TGFB2: variants seen among roughly 807,000 people sequenced by gnomAD.
TGFB2 encodes transforming growth factor beta-2 proprotein.
TGFB2 carries 13 observed loss-of-function variants against 42.7 expected under a neutral mutation model. That is an observed-to-expected ratio of 0.30 (90% CI 0.20 to 0.48). The LOEUF is 0.48. TGFB2 is among the 20% of genes least tolerant of loss of function. The probability of loss-of-function intolerance (pLI) is 0.99; values close to 1 mark genes in which losing one functional copy is unlikely to be tolerated. For synonymous variants in TGFB2, 193 were observed against 193.6 expected, an observed-to-expected ratio of 1.00 and a Z score of 0.03; for missense variants, 390 against 517.5, an observed-to-expected ratio of 0.75 and a Z score of 2.39.
chr1:218,383,415 T>G (rs1399436663), intron 1 of TGFB2, among the ~76,000 whole-genome samples: 2 of 152,212 alleles, frequency 1.3e-5, no homozygotes, highest in Non-Finnish European at 2.9e-5. Flanking sequence ...TGAATCTGCC[T>G]TTAGAAAAAC....
intron 1 of TGFB2, among the ~76,000 whole-genome samples, chr1:218,380,434 AAGTTCTCTTT>A (rs1209190884): frequency 6.6e-6 from 1 of 152,160 alleles, no homozygotes; most frequent in Non-Finnish European, 1.5e-5. Flanking sequence ...TCAGCATGCA[AAGTTCTCTTT>A]AGATGGCCTG....
Position 218,346,940 on chromosome 1 carries a change from A to G in TGFB2, c.239A>G (p.Glu80Gly). 2 of 1,614,148 alleles carry G rather than the reference A, an allele frequency of 1.2e-6. 1 individual carries two copies. Among genetic ancestry groups the G allele is most frequent in the Non-Finnish European group, 1.7e-6 (2 of 1,180,028 alleles). ...IYNSTRDLLQ[E>G]KASRRAAACE... Reference sequence around the variant, plus strand: ...AACAGCACCAGGGACTTGCTCCAGGAGAAGGCGAGCCGGAGGGCGGCCGCC... The same window carrying G: ...AACAGCACCAGGGACTTGCTCCAGGGGAAGGCGAGCCGGAGGGCGGCCGCC... The change falls in exon 1 of 7, where the codon GAG becomes GGG. Residue 80 changes from glutamate to glycine, a missense_variant. Glu to Gly is a moderately conservative substitution (Grantham distance 98). Transcript: ENST00000366930. The surrounding 1 kb of genome is among the most constrained non-coding windows in gnomAD (Gnocchi z 4.9).
chr1:218,427,992 C>T (rs1373432309), intron 2 of TGFB2, among the ~76,000 whole-genome samples: 8 of 152,260 alleles, frequency 5.3e-5, no homozygotes, highest in African/African-American at 1.9e-4. Context: ...CTCTCCAGCA[C>T]CTGTTGTTTC....
chr1:218,394,752 T>G (rs923514415), intron 1 of TGFB2, among the ~76,000 whole-genome samples: 6 of 152,142 alleles, frequency 3.9e-5, no homozygotes, highest in Non-Finnish European at 7.4e-5. Context: ...AGTCATTTTA[T>G]GTTAAATTGC....
intron 6 of TGFB2, among the ~76,000 whole-genome samples, chr1:218,437,992 G>A (rs538981721): frequency 1.3e-5 from 2 of 152,234 alleles, no homozygotes; most frequent in South Asian, 4.2e-4. Flanking sequence ...GAACATTCCA[G>A]ATCATCTCTT....
At chr1:218,413,000 C>G (rs780204147) in intron 2 of TGFB2, among the ~76,000 whole-genome samples, 1 of 152,178 alleles carries the variant, frequency 6.6e-6, no homozygotes. Context: ...GTGGTCTTCC[C>G]AGAACAGTAA....
intron 2 of TGFB2, among the ~76,000 whole-genome samples, chr1:218,415,932 T>C (rs1659264596): frequency 6.6e-6 from 1 of 152,030 alleles, no homozygotes; most frequent in African/African-American, 2.4e-5. Context: ...ATCTTGAACA[T>C]GGTTCATATT....
chr1:218,362,428 T>C (rs2102544937), intron 1 of TGFB2, among the ~76,000 whole-genome samples: 1 of 152,338 alleles, frequency 6.6e-6, no homozygotes, highest in Middle Eastern at 3.4e-3. Context: ...TCAGTCTGTT[T>C]TAAATATATC....
chr1:218,366,290 G>C (rs1408274879), intron 1 of TGFB2, among the ~76,000 whole-genome samples: 11 of 152,074 alleles, frequency 7.2e-5, no homozygotes, highest in Admixed American at 7.2e-4. Context: ...AAGATTTAAA[G>C]GTGGTATTTC....
intron 1 of TGFB2, among the ~76,000 whole-genome samples, chr1:218,388,896 G>T (rs547064205): frequency 2.0e-5 from 3 of 152,236 alleles, no homozygotes; most frequent in Non-Finnish European, 2.9e-5. Context: ...ATATGATGGC[G>T]GTCTCAGAAT....
At position 218,346,615 on chromosome 1, in the gene TGFB2, T is replaced by C; in HGVS notation, c.-87T>C. The C allele has an allele frequency of 8.1e-7, 1 of 1,227,062 alleles. No individual in the cohort carries two copies. 76.0% of individuals were successfully genotyped at this position (1,227,062 alleles called of 1,614,324 possible). A position where few individuals can be genotyped will look rare whatever the true frequency, so the allele number is the denominator to read the frequency against. On this transcript the variant is annotated 5_prime_UTR_variant, in exon 1 of 7. Coordinates refer to ENST00000366930, the MANE Select transcript of TGFB2 (RefSeq NM_003238.6). The surrounding 1 kb of genome is among the most constrained non-coding windows in gnomAD (Gnocchi z 4.9). ...CAACAACAACAAAAAACCAAACAAC[T>C]CTCCTTGATCTATACTTTGAGAATT... is the stretch of plus-strand genomic sequence containing the variant.
chr1:218,416,628 C>T (rs749757719), intron 2 of TGFB2, among the ~76,000 whole-genome samples: 6 of 152,222 alleles, frequency 3.9e-5, no homozygotes, highest in Non-Finnish European at 7.3e-5. Flanking sequence ...TGTTACTATG[C>T]TTGTCCAAGC....
Position 218,358,640 on chromosome 1 carries a change from C to T in TGFB2, c.346+11593C>T, listed in dbSNP as rs1465724868. Among the ~76,000 whole-genome samples the T allele has an allele frequency of 5.3e-5, 8 of 151,528 alleles. 1 individual carries two copies. Among genetic ancestry groups the T allele is most frequent in the Admixed American group, 5.3e-4 (8 of 15,218 alleles). ...TTCAGCTCACTGCAAGCTCTGCCTC[C>T]GGGGTTCATGCCATTCTTCTGCCTC... On this transcript the variant is annotated intron_variant, in intron 1 of 6. Transcript: ENST00000366930.
intron 2 of TGFB2, among the ~76,000 whole-genome samples, chr1:218,412,182 A>G (rs1313571038): frequency 1.3e-5 from 2 of 152,198 alleles, no homozygotes; most frequent in East Asian, 1.9e-4. Context: ...AAATGTACAT[A>G]TAAGTGATAT....
chr1:218,388,868 G>A (rs969826734), intron 1 of TGFB2, among the ~76,000 whole-genome samples: 2 of 152,182 alleles, frequency 1.3e-5, no homozygotes, highest in East Asian at 1.9e-4. Context: ...TAATGTTGCT[G>A]TATCTCTTCA....
chr1:218,367,475 T>C (rs1033784265), intron 1 of TGFB2, among the ~76,000 whole-genome samples: 2 of 152,234 alleles, frequency 1.3e-5, no homozygotes, highest in African/African-American at 4.8e-5. Context: ...TGTGCAACCC[T>C]GTGCCCCCTG....
At chr1:218,407,171 C>A (rs546091155) in intron 2 of TGFB2, among the ~76,000 whole-genome samples, 1 of 152,274 alleles carries the variant, frequency 6.6e-6, no homozygotes, top group African/African-American at 2.4e-5. Flanking sequence ...AGTCATAGCT[C>A]ACTGCACCCT....
rs10482752 is a variant in TGFB2, at chr1:218,382,980, G to T, written c.347-22189G>T. On this transcript the variant is annotated intron_variant, in intron 1 of 6. Transcript: ENST00000366930. ...TCAAATTTTGAAAATAAATGTTCAT[G>T]GGGGTAAGAAGATTGTTTTATGACA... 3.8e-3 allele frequency among the ~76,000 whole-genome samples: 572 copies of T among 152,306 alleles called. 2 individuals carry two copies. Among genetic ancestry groups the T allele is most frequent in the Admixed American group, 0.018 (269 of 15,304 alleles).
chr1:218,421,379 T>C (rs935383263), intron 2 of TGFB2, among the ~76,000 whole-genome samples: 1 of 151,382 alleles, frequency 6.6e-6, no homozygotes, highest in East Asian at 1.9e-4. Context: ...AGCAGTTTTT[T>C]TTTTTTTTTA....
Sources: gnomAD v4.1 joint callset for allele counts (sites outside exome capture counted in the v4.1 genomes callset) on GRCh38, gnomAD v4.1.1 for gene constraint, Gnocchi (gnomAD v3.1) non-coding constraint, MANE v1.5 for transcripts, NCBI Gene and HGNC (gene_info 2026-07-23, HGNC 2026-07-21) for gene names.